Variants in TTLL5 observed in about 807,000 individuals in gnomAD.
TTLL5 encodes the protein tubulin polyglutamylase TTLL5.
TTLL5 carries 132 observed loss-of-function variants against 168.4 expected under a neutral mutation model. The ratio of observed to expected loss-of-function variants is 0.78; its 90% CI spans 0.68 to 0.91. TTLL5 has a LOEUF of 0.91. Among genes scored for constraint, TTLL5 ranks in the 40% least tolerant of loss-of-function variants. The pLI, the probability that TTLL5 is intolerant of heterozygous loss-of-function variation, is 0.00. For missense variants in TTLL5, 1,545 were observed against 1,581.5 expected (o/e 0.98, Z 0.39); for synonymous variants, 546 against 558.6 (o/e 0.98, Z 0.32).
At position 75,763,444 on chromosome 14, in the gene TTLL5, C is replaced by G. The variant is rs557158125; in HGVS notation, c.1551-1171C>G. Reference sequence around the variant, plus strand: ...AAGACTTACCATCCATTCCATCCACCCAGAAATCCCTATCAGAAAGGTCCT... The same window carrying G: ...AAGACTTACCATCCATTCCATCCACGCAGAAATCCCTATCAGAAAGGTCCT... On this transcript the variant is annotated intron_variant, in intron 18 of 31. Coordinates refer to ENST00000298832, the MANE Select transcript of TTLL5 (RefSeq NM_015072.5). Among the ~76,000 whole-genome samples, 43 of 152,142 alleles carry G rather than the reference C, an allele frequency of 2.8e-4. 2 individuals are homozygous for G. Among genetic ancestry groups the G allele is most frequent in the African/African-American group, 1.0e-3 (43 of 41,506 alleles).
intron 29 of TTLL5, 64 bp from the exon 30 acceptor site, chr14:75,882,621 A>G: frequency 1.4e-6 from 2 of 1,426,848 alleles, no homozygotes; most frequent in African/African-American, 1.4e-5. Flanking sequence ...CAGACTAGTT[A>G]CATACAGTAA....
At chr14:75,883,940 C>T (rs1049691068) in intron 30 of TTLL5, among the ~76,000 whole-genome samples, 4 of 152,170 alleles carry the variant, frequency 2.6e-5, no homozygotes, top group African/African-American at 9.7e-5. Context: ...GGTCTGCAGC[C>T]TCTGTAGCCA....
At chr14:75,915,730 T>C (rs891435289) in intron 31 of TTLL5, among the ~76,000 whole-genome samples, 8 of 152,118 alleles carry the variant, frequency 5.3e-5, no homozygotes, top group Non-Finnish European at 1.2e-4. Flanking sequence ...AAATAACTAA[T>C]AGGCACATGA....
At chr14:75,837,896 C>T (rs1434475092) in intron 28 of TTLL5, among the ~76,000 whole-genome samples, 1 of 151,930 alleles carries the variant, frequency 6.6e-6, no homozygotes, top group East Asian at 1.9e-4. Flanking sequence ...CACCCATACA[C>T]ACACACTACA....
In TTLL5 at chr14:75,686,932, A is replaced by G. The variant is rs570546108; in HGVS notation, c.372-3260A>G. Reference sequence around the variant, plus strand: ...CTAAAATATTTTATAATGATTTATAATAGTGAATAGCACAGACTCTGTTGA... The same window carrying G: ...CTAAAATATTTTATAATGATTTATAGTAGTGAATAGCACAGACTCTGTTGA... On this transcript the variant is annotated intron_variant, in intron 5 of 31. Transcript: ENST00000298832. 2.0e-5 allele frequency among the ~76,000 whole-genome samples: 3 copies of G among 152,312 alleles called. No individual in the cohort carries two copies. The East Asian group carries it at 5.8e-4, about 29-fold the overall frequency.
At chr14:75,720,820 C>T in intron 12 of TTLL5, 117 bp downstream of exon 12, 3 of 827,776 alleles carry the variant, frequency 3.6e-6, no homozygotes, top group South Asian at 1.5e-5. Flanking sequence ...GTGATGGACT[C>T]TTCTTTCTAA....
intron 2 of TTLL5, among the ~76,000 whole-genome samples, chr14:75,666,513 A>G (rs1388430073): frequency 2.0e-5 from 3 of 152,232 alleles, no homozygotes; most frequent in East Asian, 3.8e-4. Flanking sequence ...TGCTATTGTA[A>G]AAGGCTGGCT....
At chr14:75,726,215 A>G (rs937707197) in intron 12 of TTLL5, among the ~76,000 whole-genome samples, 52 of 152,224 alleles carry the variant, frequency 3.4e-4, no homozygotes, top group African/African-American at 1.2e-3. Context: ...CTCTCTCCCT[A>G]AACTAACTTT....
intron 27 of TTLL5, among the ~76,000 whole-genome samples, chr14:75,805,554 G>GA (rs1595070212): frequency 6.6e-6 from 1 of 151,862 alleles, no homozygotes; most frequent in East Asian, 1.9e-4. Flanking sequence ...ACTTCTCTAT[G>GA]GATTTCTCCC....
chr14:75,710,393 A>C (rs1395398764), intron 9 of TTLL5: 1 of 108,776 alleles, frequency 9.2e-6, no homozygotes, highest in Admixed American at 1.2e-4. Flanking sequence ...GAAACAAAAA[A>C]ATTTATACAC....
intron 31 of TTLL5, among the ~76,000 whole-genome samples, chr14:75,919,323 A>G (rs1412445058): frequency 3.3e-5 from 5 of 152,126 alleles, no homozygotes; most frequent in African/African-American, 1.2e-4. Context: ...TGAAAAATCC[A>G]AAACAGAAGT....
intron 23 of TTLL5, 60 bp from the exon 24 acceptor site, chr14:75,779,515 T>C (rs1891920830): frequency 1.3e-6 from 2 of 1,582,664 alleles, no homozygotes; most frequent in Non-Finnish European, 1.7e-6. Context: ...TAATAAAATC[T>C]GGTGGAAAGA....
intron 14 of TTLL5, among the ~76,000 whole-genome samples, chr14:75,734,900 C>T (rs780859204): frequency 2.6e-5 from 4 of 152,210 alleles, no homozygotes; most frequent in African/African-American, 9.6e-5. Context: ...TGGTAATTTG[C>T]GGTTACTCTT....
At chr14:75,698,892 A>G (rs541235087) in intron 6 of TTLL5, among the ~76,000 whole-genome samples, 251 of 152,040 alleles carry the variant, frequency 1.7e-3, no homozygotes, top group Non-Finnish European at 3.4e-3. Context: ...TCAACAGAGC[A>G]AAGACCCTGC....
intron 20 of TTLL5, among the ~76,000 whole-genome samples, chr14:75,767,440 G>T (rs1891033901): frequency 1.3e-5 from 2 of 152,194 alleles, no homozygotes. Flanking sequence ...GCAGTGATCT[G>T]GCATGAAGAG....
chr14:75,668,465 C>T (rs2140088439), intron 2 of TTLL5, among the ~76,000 whole-genome samples: 1 of 152,220 alleles, frequency 6.6e-6, no homozygotes, highest in African/African-American at 2.4e-5. Flanking sequence ...AGTAGGGACT[C>T]AGTTCATTTA....
chr14:75,820,119 AC>A lies in TTLL5; in HGVS notation c.3289del (p.Gln1097LysfsTer26). ...PSGPTWSTQSDPQAPENHSSS... is the reference protein window; with the variant it reads ...PSGPTWSTQSXPQAPENHSSS... Reference sequence around the variant, plus strand: ...GGCCCGACATGGTCTACACAGTCAGACCCCCAAGCTCCCGAGAATCACTCCA... The same window carrying A: ...GGCCCGACATGGTCTACACAGTCAGACCCCAAGCTCCCGAGAATCACTCCA... On this transcript the variant is annotated frameshift_variant, in exon 28 of 32. Coordinates refer to ENST00000298832, the MANE Select transcript of TTLL5 (RefSeq NM_015072.5). LOFTEE classifies it high-confidence loss of function. 5 of 1,600,442 alleles carry A rather than the reference AC, an allele frequency of 3.1e-6. No homozygotes were observed. Among genetic ancestry groups the A allele is most frequent in the Non-Finnish European group, 4.3e-6 (5 of 1,174,122 alleles).
intron 9 of TTLL5, chr14:75,709,034 A>G: frequency 3.4e-6 from 2 of 588,864 alleles, no homozygotes; most frequent in Non-Finnish European, 6.1e-6. Context: ...GGCCACATTC[A>G]AAGCTGTCCT....
At chr14:75,746,202 G>A (rs760514348) in intron 17 of TTLL5, among the ~76,000 whole-genome samples, 12 of 152,270 alleles carry the variant, frequency 7.9e-5, no homozygotes, top group Middle Eastern at 6.8e-3. Context: ...TTTGTTCAGC[G>A]TAGTGTTTTT....
Sources: allele counts gnomAD v4.1 joint callset (sites outside exome capture counted in the v4.1 genomes callset), GRCh38; gene constraint gnomAD v4.1.1; transcripts MANE v1.5; gene names NCBI Gene and HGNC (gene_info 2026-07-23, HGNC 2026-07-21).